The following NLRP13 variants were observed in gnomAD, a reference collection of about 807,000 sequenced individuals.
NLRP13 encodes NLR family pyrin domain containing 13.
NLRP13 carries 82 observed loss-of-function variants against 94.4 expected under a neutral mutation model. The observed-to-expected ratio is 0.87, with a 90% CI of 0.73 to 1.04. NLRP13 has a LOEUF of 1.04. NLRP13 is among the 50% of genes least tolerant of loss of function. NLRP13 has a pLI of 0.00. For synonymous variants in NLRP13, 553 were observed against 464.7 expected (o/e 1.19, Z -2.45); for missense variants, 1,426 against 1,230.8 (o/e 1.16, Z -2.37).
At chr19:55,917,345 C>A (rs111243400) in intron 4 of NLRP13, among the ~76,000 whole-genome samples, 4 of 151,848 alleles carry the variant, frequency 2.6e-5, no homozygotes. Context: ...TGACACAATT[C>A]CATCAAATCA....
At position 55,922,901 on chromosome 19, in the gene NLRP13, A is replaced by G. The variant is rs141785335; in HGVS notation, c.523+1013T>C. On this transcript the variant is annotated intron_variant, in intron 4 of 10. Coordinates refer to ENST00000342929, the MANE Select transcript of NLRP13 (RefSeq NM_176810.2). ...ATCACTTATGACCATAGAAACAAAT[A>G]TCAGAAGTAGCCCCAAAGAGTAGTG... Among the ~76,000 whole-genome samples, 829 of 152,350 alleles carry G rather than the reference A, an allele frequency of 5.4e-3. 9 individuals carry two copies. Among genetic ancestry groups the G allele is most frequent in the African/African-American group, 0.019 (790 of 41,588 alleles).
At chr19:55,914,496 C>G (rs926394369) in intron 4 of NLRP13, among the ~76,000 whole-genome samples, 1 of 152,092 alleles carries the variant, frequency 6.6e-6, no homozygotes, top group Non-Finnish European at 1.5e-5. Flanking sequence ...AAAATGGGCA[C>G]CTGGCAGACT....
At chr19:55,911,170 T>C (rs762459343) in intron 5 of NLRP13, among the ~76,000 whole-genome samples, 10 of 152,190 alleles carry the variant, frequency 6.6e-5, no homozygotes, top group Non-Finnish European at 1.5e-4. Context: ...AATGTCCCTA[T>C]GTTAGAGCCA....
intron 4 of NLRP13, among the ~76,000 whole-genome samples, chr19:55,922,732 C>T (rs767510866): frequency 2.0e-5 from 3 of 152,146 alleles, no homozygotes; most frequent in Non-Finnish European, 2.9e-5. Context: ...AATTTATATG[C>T]CCAGGATACT....
At chr19:55,893,188 A>ACCAACCT (rs1241318589), downstream of NLRP13, among the ~76,000 whole-genome samples, 2 of 152,184 alleles carry the variant, frequency 1.3e-5, no homozygotes, top group Non-Finnish European at 2.9e-5. Context: ...CGGCAGTTCT[A>ACCAACCT]GACCAGCCTG....
chr19:55,918,025 CAAT>C (rs1986714798), intron 4 of NLRP13, among the ~76,000 whole-genome samples: 1 of 151,846 alleles, frequency 6.6e-6, no homozygotes, highest in African/African-American at 2.4e-5. Flanking sequence ...AAACAAGGCT[CAAT>C]AAATTTTTTA....
At chr19:55,892,072 G>A (rs897033994), downstream of NLRP13, 337 of 1,227,258 alleles carry the variant, frequency 2.7e-4, no homozygotes, top group Non-Finnish European at 3.3e-4. Context: ...AGCTCCTTCT[G>A]TGAGGTCTGT....
In NLRP13 at chr19:55,912,214, T is replaced by A; in HGVS notation, c.1603A>T (p.Thr535Ser). Reference protein sequence around the residue: ...INDCGGCTTFTHLSFQEFFAA... With the variant: ...INDCGGCTTFSHLSFQEFFAA... ...AAAAACTCCTGGAAACTTAGGTGGG[T>A]GAAAGTAGTGCAACCCCCACAGTCA... Residue 535 changes from threonine to serine, a missense_variant, in exon 5 of 11, where the codon ACC (threonine) becomes TCC (serine). Physicochemically the swap from Thr to Ser is moderately conservative, Grantham distance 58. Coordinates refer to ENST00000342929, the MANE Select transcript of NLRP13 (RefSeq NM_176810.2). The A allele has an allele frequency of 6.2e-7, 1 of 1,614,076 alleles. No homozygotes were observed. The highest frequency in any genetic ancestry group is 2.2e-5 in the East Asian group (1 of 44,884).
intron 7 of NLRP13, among the ~76,000 whole-genome samples, chr19:55,906,909 G>T (rs1342260589): frequency 4.6e-5 from 7 of 152,112 alleles, no homozygotes; most frequent in Non-Finnish European, 7.4e-5. Flanking sequence ...CTCATTCTTA[G>T]GTCCCACCCC....
chr19:55,914,279 C>G (rs1017418189), intron 4 of NLRP13, among the ~76,000 whole-genome samples: 8 of 152,194 alleles, frequency 5.3e-5, no homozygotes, highest in African/African-American at 1.9e-4. Context: ...TATGCTGAGA[C>G]AGAAATGAGC....
At chr19:55,892,515 G>A (rs1443334049), downstream of NLRP13, among the ~76,000 whole-genome samples, 1 of 152,124 alleles carries the variant, frequency 6.6e-6, no homozygotes, top group African/African-American at 2.4e-5. Flanking sequence ...TCCACCTCCT[G>A]GGCCCCAGCG....
At chr19:55,904,851 TAATATA>T in intron 8 of NLRP13, 85 bp downstream of exon 8, 3 of 1,051,076 alleles carry the variant, frequency 2.9e-6, no homozygotes, top group Non-Finnish European at 4.0e-6. Flanking sequence ...TACTTTTTAA[TAATATA>T]AATAGATATC....
intron 4 of NLRP13, among the ~76,000 whole-genome samples, chr19:55,922,621 CA>C: frequency 6.6e-6 from 1 of 152,304 alleles, no homozygotes. Context: ...CCATCATGCC[CA>C]GCAGAGTTGT....
At chr19:55,898,356 C>A (rs552537029) in intron 10 of NLRP13, among the ~76,000 whole-genome samples, 14 of 152,074 alleles carry the variant, frequency 9.2e-5, no homozygotes, top group African/African-American at 3.4e-4. Flanking sequence ...ACTACAGATG[C>A]CCACCTATAC....
intron 9 of NLRP13, among the ~76,000 whole-genome samples, chr19:55,900,028 C>T (rs1335094091): frequency 6.6e-6 from 1 of 150,502 alleles, no homozygotes; most frequent in Non-Finnish European, 1.5e-5. Flanking sequence ...TTCAAAATTG[C>T]TAACATAATA....
chr19:55,927,748 G>T (rs1012866147), intron 1 of NLRP13, among the ~76,000 whole-genome samples: 5 of 152,172 alleles, frequency 3.3e-5, no homozygotes, highest in African/African-American at 4.8e-5. Flanking sequence ...TTTCACTCTA[G>T]AAATGTAGAG....
chr19:55,932,301 G>C lies in NLRP13; in HGVS notation c.11C>G (p.Ser4Cys). The change falls in exon 1 of 11, where the codon TCT (serine) becomes TGT (cysteine). Residue 4 changes from serine (S) to cysteine (C), a missense_variant. Ser to Cys is a moderately radical substitution (Grantham distance 112, BLOSUM62 -1). Coordinates refer to ENST00000342929, the MANE Select transcript of NLRP13 (RefSeq NM_176810.2). MNFSVITCPNGGTN... is the reference protein window; with the variant it reads MNFCVITCPNGGTN... ...ACCACCGTTGGGGCAGGTGATTACA[G>C]AAAAGTTCATCTTGCCCAACACATG... 6.2e-7 allele frequency: 1 copy of C among 1,603,792 alleles called. No individual in the cohort carries two copies. Among genetic ancestry groups the C allele is most frequent in the South Asian group, 1.1e-5 (1 of 89,038 alleles).
intron 10 of NLRP13, among the ~76,000 whole-genome samples, chr19:55,897,706 G>A: frequency 6.6e-6 from 1 of 152,134 alleles, no homozygotes; most frequent in Non-Finnish European, 1.5e-5. Context: ...AGGCCTATGA[G>A]AGAACAAGTC....
chr19:55,903,491 G>A (rs182388454), intron 8 of NLRP13, among the ~76,000 whole-genome samples: 4 of 152,178 alleles, frequency 2.6e-5, no homozygotes, highest in Admixed American at 6.5e-5. Context: ...GAATCTCTTT[G>A]TGCGTCCACC....
Sources: allele counts gnomAD v4.1 joint callset (sites outside exome capture counted in the v4.1 genomes callset), GRCh38; gene constraint gnomAD v4.1.1; transcripts MANE v1.5; gene names NCBI Gene and HGNC (gene_info 2026-07-23, HGNC 2026-07-21).